The following TBC1D5 variants were observed in gnomAD, a reference collection of about 807,000 sequenced individuals.
The protein encoded by TBC1D5 is TBC1 domain family member 5.
TBC1D5 carries 75 observed loss-of-function variants against 100.3 expected under a neutral mutation model. The ratio of observed to expected loss-of-function variants is 0.75; its 90% CI spans 0.62 to 0.91. The LOEUF (loss-of-function observed/expected upper bound fraction) is 0.91, where lower values mean the gene tolerates loss of function less well. TBC1D5 is among the 40% of genes least tolerant of loss of function. The pLI is 0.00. For missense variants in TBC1D5, 910 were observed against 942.4 expected (o/e 0.97, Z 0.45); for synonymous variants, 323 against 325.6 (o/e 0.99, Z 0.09).
intron 17 of TBC1D5, 37 bp downstream of exon 17, chr3:17,238,126 G>C (rs774520799): frequency 4.4e-6 from 7 of 1,592,750 alleles, no homozygotes; most frequent in African/African-American, 4.0e-5. Flanking sequence ...GCTACACCAT[G>C]AATGTTTTCT....
At chr3:17,694,321 C>T (rs2071655887) in intron 1 of TBC1D5, among the ~76,000 whole-genome samples, 1 of 152,178 alleles carries the variant, frequency 6.6e-6, no homozygotes, top group Non-Finnish European at 1.5e-5. Context: ...CATGTTTGAA[C>T]ACATCGCAAG....
At chr3:17,702,961 G>A (rs1227083451) in intron 1 of TBC1D5, among the ~76,000 whole-genome samples, 1 of 152,078 alleles carries the variant, frequency 6.6e-6, no homozygotes, top group East Asian at 1.9e-4. Context: ...CTAGACCATA[G>A]CTATATTGAT....
intron 18 of TBC1D5, among the ~76,000 whole-genome samples, chr3:17,205,212 CAAG>C (rs964847367): frequency 6.6e-6 from 1 of 152,058 alleles, no homozygotes; most frequent in Non-Finnish European, 1.5e-5. Context: ...ACTGATTAAA[CAAG>C]AAGAGATTAC....
chr3:17,716,459 T>A (rs1577740911), intron 1 of TBC1D5, among the ~76,000 whole-genome samples: 1 of 145,870 alleles, frequency 6.9e-6, no homozygotes, highest in Non-Finnish European at 1.5e-5. Flanking sequence ...AAAAAAAAAA[T>A]TAAAGACCTC....
chr3:17,255,839 C>G (rs949467794), intron 16 of TBC1D5, among the ~76,000 whole-genome samples: 3 of 152,016 alleles, frequency 2.0e-5, no homozygotes, highest in Admixed American at 1.3e-4. Context: ...GAGATTGAGA[C>G]CATCTTGGCT....
At chr3:17,358,181 T>G (rs1289701136) in intron 13 of TBC1D5, among the ~76,000 whole-genome samples, 1 of 151,222 alleles carries the variant, frequency 6.6e-6, no homozygotes, top group African/African-American at 2.5e-5. Context: ...TTTTTTTGTT[T>G]GTTTGTTTTT....
At chr3:17,498,459 G>A (rs187704002) in intron 3 of TBC1D5, among the ~76,000 whole-genome samples, 11 of 152,114 alleles carry the variant, frequency 7.2e-5, no homozygotes, top group Admixed American at 1.3e-4. Flanking sequence ...CAAAGCTTTC[G>A]GTGAGACGTC....
At chr3:17,454,289 C>A (rs182972368) in intron 3 of TBC1D5, among the ~76,000 whole-genome samples, 1 of 151,776 alleles carries the variant, frequency 6.6e-6, no homozygotes, top group Non-Finnish European at 1.5e-5. Context: ...GATGAGATAA[C>A]GGTATAAATG....
chr3:17,713,328 G>C (rs1045715792), intron 1 of TBC1D5, among the ~76,000 whole-genome samples: 1 of 149,816 alleles, frequency 6.7e-6, no homozygotes, highest in Admixed American at 6.7e-5. Flanking sequence ...TGCAAGCTCC[G>C]CCTCCAGGGT....
chr3:17,610,926 C>T (rs572482857), intron 2 of TBC1D5, among the ~76,000 whole-genome samples: 74 of 152,258 alleles, frequency 4.9e-4, no homozygotes, highest in African/African-American at 1.4e-3. Flanking sequence ...AGGAGAATGA[C>T]TTGAACCTGG....
At chr3:17,501,204 T>C (rs2095784385) in intron 3 of TBC1D5, among the ~76,000 whole-genome samples, 1 of 149,164 alleles carries the variant, frequency 6.7e-6, no homozygotes, top group African/African-American at 2.6e-5. Context: ...CTAGGGTGAA[T>C]TTTTTATTAG....
chr3:17,435,153 G>GC (rs1373864567), intron 3 of TBC1D5, among the ~76,000 whole-genome samples: 1 of 152,004 alleles, frequency 6.6e-6, no homozygotes, highest in African/African-American at 2.4e-5. Flanking sequence ...TACCTTCTGA[G>GC]CCCCCCAAGT....
intron 3 of TBC1D5, among the ~76,000 whole-genome samples, chr3:17,494,391 C>T (rs2095677267): frequency 6.6e-6 from 1 of 152,190 alleles, no homozygotes; most frequent in Non-Finnish European, 1.5e-5. Flanking sequence ...AGTCAGGAGG[C>T]ACGGAATCAG....
At chr3:17,253,758 GT>G (rs1363765588) in intron 16 of TBC1D5, among the ~76,000 whole-genome samples, 3 of 152,084 alleles carry the variant, frequency 2.0e-5, no homozygotes. Flanking sequence ...TCTGACTAGC[GT>G]TTTTTGTTCA....
At chr3:17,214,631 A>C (rs2126006169) in intron 17 of TBC1D5, among the ~76,000 whole-genome samples, 1 of 150,844 alleles carries the variant, frequency 6.6e-6, no homozygotes, top group South Asian at 2.1e-4. Context: ...CACACATATA[A>C]AAAGAACTAA....
At chr3:17,677,764 A>C (rs1364186981) in intron 1 of TBC1D5, among the ~76,000 whole-genome samples, 5 of 152,238 alleles carry the variant, frequency 3.3e-5, no homozygotes, top group Non-Finnish European at 7.3e-5. Flanking sequence ...CAACAATGAC[A>C]GACTGAATTA....
At position 17,455,448 on chromosome 3, in the gene TBC1D5, ATATG is replaced by A. The variant is rs758184143; in HGVS notation, c.98-26933_98-26930del. On this transcript the variant is annotated intron_variant, in intron 3 of 21. Transcript: ENST00000253692. ...TATGTGTGTATGTGTGTGTATATAT[ATATG>A]TGTGTGTATATATATGTGTATATAT... is the stretch of plus-strand genomic sequence containing the variant. Among the ~76,000 whole-genome samples, 65 of 146,580 alleles carry A rather than the reference ATATG, an allele frequency of 4.4e-4. 4 individuals carry two copies. The South Asian group carries it at 0.012, about 28-fold the overall frequency.
rs377756029 is a variant in TBC1D5 at position 17,476,983 on chromosome 3, C to A, written c.97+31491G>T. On this transcript the variant is annotated intron_variant, in intron 3 of 21. Transcript: ENST00000253692. ...ATAATTTATGTGTAGATTTTTATTT[C>A]TAATTTTAAAGAGAAAACTTTTAAC... 1.2e-3 allele frequency among the ~76,000 whole-genome samples: 175 copies of A among 150,728 alleles called. 5 individuals are homozygous for A. The South Asian group carries it at 0.034, about 30-fold the overall frequency.
intron 3 of TBC1D5, among the ~76,000 whole-genome samples, chr3:17,474,287 G>C (rs2095413112): frequency 6.6e-6 from 1 of 152,094 alleles, no homozygotes; most frequent in African/African-American, 2.4e-5. Context: ...ACAGATTTCT[G>C]AGTTATAAAC....
Sources: gnomAD v4.1 joint callset for allele counts (sites outside exome capture counted in the v4.1 genomes callset) on GRCh38, gnomAD v4.1.1 for gene constraint, MANE v1.5 for transcripts, NCBI Gene and HGNC (gene_info 2026-07-23, HGNC 2026-07-21) for gene names.